ETS1: variants seen among roughly 807,000 people sequenced by gnomAD.
ETS1 encodes protein C-ets-1.
Under a neutral mutation model 58.6 loss-of-function variants are expected in ETS1, and 15 were observed. The observed-to-expected ratio is 0.26, with a 90% CI of 0.17 to 0.39. ETS1 has a LOEUF of 0.39. Among genes scored for constraint, ETS1 ranks in the 10% least tolerant of loss-of-function variants. The pLI, the probability that ETS1 is intolerant of heterozygous loss-of-function variation, is 1.00. For synonymous variants in ETS1, 214 were observed against 218.2 expected, an observed-to-expected ratio of 0.98 and a Z score of 0.17; for missense variants, 417 against 610.5, an observed-to-expected ratio of 0.68 and a Z score of 3.34.
chr11:128,502,447 T>A (rs1863115606), intron 3 of ETS1, among the ~76,000 whole-genome samples: 1 of 152,182 alleles, frequency 6.6e-6, no homozygotes, highest in Admixed American at 6.5e-5. Flanking sequence ...GGAGGTCAAC[T>A]CTATGGTTTC....
At chr11:128,570,125 G>T (rs983171903) in intron 2 of ETS1, among the ~76,000 whole-genome samples, 1 of 152,036 alleles carries the variant, frequency 6.6e-6, no homozygotes, top group Non-Finnish European at 1.5e-5. Flanking sequence ...CCCTGCCTAG[G>T]ATGACATTAT....
intron 3 of ETS1, among the ~76,000 whole-genome samples, chr11:128,547,977 C>T (rs1250486871): frequency 6.6e-6 from 1 of 151,944 alleles, no homozygotes; most frequent in African/African-American, 2.4e-5. Flanking sequence ...TGACTGATGA[C>T]CTCTGTCCCA....
At chr11:128,575,522 C>T (rs570667919) in intron 1 of ETS1, among the ~76,000 whole-genome samples, 4 of 152,194 alleles carry the variant, frequency 2.6e-5, no homozygotes, top group African/African-American at 7.2e-5. Flanking sequence ...GTGCCAGACA[C>T]GGTCCTGGGC....
rs546885325 is a variant in ETS1, at chr11:128,494,489, T to A, written c.215-3913A>T. Among the ~76,000 whole-genome samples, 4 of 152,336 alleles carry A rather than the reference T, an allele frequency of 2.6e-5. No individual in the cohort carries two copies. In the East Asian group the frequency reaches 5.8e-4, roughly 22 times the overall value. ...AAGAATAAGCTAGTGGCATTTTGAA[T>A]GCAGGGAAACATCTGCTCATTTTTC... is the stretch of plus-strand genomic sequence containing the variant. On this transcript the variant is annotated intron_variant, in intron 3 of 9. Coordinates refer to ENST00000392668, the MANE Select transcript of ETS1 (RefSeq NM_001143820.2).
chr11:128,462,251 A>C lies in ETS1; in HGVS notation c.*110T>G. 5.7e-6 allele frequency: 5 copies of C among 875,898 alleles called. No homozygotes were observed. The highest frequency in any genetic ancestry group is 8.8e-6 in the Non-Finnish European group (5 of 567,678). 54.3% of individuals were successfully genotyped at this position (875,898 alleles called of 1,614,324 possible). On this transcript the variant is annotated 3_prime_UTR_variant, in exon 10 of 10. Coordinates refer to ENST00000392668, the MANE Select transcript of ETS1 (RefSeq NM_001143820.2). ...TTAGCTCCCACCCCTGAAGGTAAAA[A>C]ATGAGTTCTGGAAAATAAAAAATAG... is the stretch of plus-strand genomic sequence containing the variant.
intron 3 of ETS1, among the ~76,000 whole-genome samples, chr11:128,546,318 T>C (rs1237272202): frequency 1.3e-5 from 2 of 152,184 alleles, no homozygotes; most frequent in African/African-American, 4.8e-5. Context: ...TGACCTTGGT[T>C]CAGAGGCAGT....
At chr11:128,470,285 G>T (rs1862150451) in intron 8 of ETS1, among the ~76,000 whole-genome samples, 1 of 152,190 alleles carries the variant, frequency 6.6e-6, no homozygotes, top group Non-Finnish European at 1.5e-5. Context: ...TCAGGCAGTG[G>T]AGTACTGAGT....
chr11:128,550,476 G>A (rs1413041337), intron 3 of ETS1, among the ~76,000 whole-genome samples: 4 of 152,204 alleles, frequency 2.6e-5, no homozygotes, highest in African/African-American at 9.6e-5. Flanking sequence ...GCGAGTGTGC[G>A]GGAGATATTA....
Position 128,582,282 on chromosome 11 carries a change from C to T in ETS1, c.-15+5206G>A, listed in dbSNP as rs568636446. Among the ~76,000 whole-genome samples, 147 of 152,322 alleles carry T rather than the reference C, an allele frequency of 9.7e-4. 1 individual carries two copies. The Middle Eastern group carries it at 0.014, about 14-fold the overall frequency. ...GCCATGAGCAAATTTCTTAACCTCACAATCAGTTTCCTCAACTATAAAATG... is the reference window on the plus strand; with the variant it reads ...GCCATGAGCAAATTTCTTAACCTCATAATCAGTTTCCTCAACTATAAAATG... On this transcript the variant is annotated intron_variant, in intron 1 of 9. Transcript: ENST00000392668.
At chr11:128,581,209 T>C (rs955276934) in intron 1 of ETS1, among the ~76,000 whole-genome samples, 1 of 152,210 alleles carries the variant, frequency 6.6e-6, no homozygotes, top group African/African-American at 2.4e-5. Context: ...CTCCTAGGCA[T>C]CAAGGAAATA....
At chr11:128,467,139 C>T (rs1199889585) in intron 8 of ETS1, among the ~76,000 whole-genome samples, 1 of 152,206 alleles carries the variant, frequency 6.6e-6, no homozygotes, top group African/African-American at 2.4e-5. Flanking sequence ...AATGTTCTTC[C>T]AGCCAGAAAC....
chr11:128,520,343 A>G (rs955894829), intron 3 of ETS1, among the ~76,000 whole-genome samples: 2 of 152,170 alleles, frequency 1.3e-5, no homozygotes, highest in African/African-American at 4.8e-5. Context: ...AGGTATGTGG[A>G]CTGACATATC....
intron 8 of ETS1, among the ~76,000 whole-genome samples, chr11:128,473,007 T>C (rs866844963): frequency 4.6e-5 from 7 of 152,134 alleles, no homozygotes; most frequent in Non-Finnish European, 7.4e-5. Context: ...CTGTGTAACA[T>C]TGGGCTAGAC....
intron 3 of ETS1, among the ~76,000 whole-genome samples, chr11:128,514,593 C>T (rs181884195): frequency 6.6e-6 from 1 of 152,314 alleles, no homozygotes; most frequent in Admixed American, 6.5e-5. Flanking sequence ...GAGAGAGCTT[C>T]ACAGACACAG....
intron 8 of ETS1, among the ~76,000 whole-genome samples, chr11:128,465,923 C>T (rs572759690): frequency 3.7e-4 from 57 of 152,338 alleles, no homozygotes; most frequent in Non-Finnish European, 5.6e-4. Flanking sequence ...GTAGCCGGGA[C>T]TGGAACCCAT....
intron 2 of ETS1, among the ~76,000 whole-genome samples, chr11:128,557,736 T>C (rs1864335088): frequency 6.6e-6 from 1 of 152,166 alleles, no homozygotes; most frequent in African/African-American, 2.4e-5. Flanking sequence ...GAAACCAAAC[T>C]CTGCTAGAAT....
chr11:128,492,711 G>T (rs1226559373), intron 3 of ETS1, among the ~76,000 whole-genome samples: 2 of 152,146 alleles, frequency 1.3e-5, no homozygotes, highest in African/African-American at 4.8e-5. Flanking sequence ...ACACATGGCT[G>T]CTCCCCATCC....
chr11:128,553,236 G>A (rs1032446640), intron 3 of ETS1, among the ~76,000 whole-genome samples: 3 of 152,282 alleles, frequency 2.0e-5, no homozygotes, highest in East Asian at 1.9e-4. Context: ...AGAGGCGGAC[G>A]GTAGGAGGAG....
At chr11:128,566,549 T>C (rs144017014) in intron 2 of ETS1, among the ~76,000 whole-genome samples, 1,701 of 152,048 alleles carry the variant, frequency 0.011, 16 homozygotes, top group South Asian at 0.047. Context: ...TTTGGGAGGC[T>C]AAGGTGGGCA....
Sources: gnomAD v4.1 joint callset for allele counts (sites outside exome capture counted in the v4.1 genomes callset) on GRCh38, gnomAD v4.1.1 for gene constraint, MANE v1.5 for transcripts, NCBI Gene and HGNC (gene_info 2026-07-23, HGNC 2026-07-21) for gene names.